TTLL7: variants seen among roughly 807,000 people sequenced by gnomAD.
TTLL7 encodes tubulin tyrosine ligase like 7, also known as tubulin polyglutamylase TTLL7.
TTLL7 carries 53 observed loss-of-function variants against 120.2 expected under a neutral mutation model. The ratio of observed to expected loss-of-function variants is 0.44; its 90% confidence interval spans 0.35 to 0.55. The LOEUF (loss-of-function observed/expected upper bound fraction) is 0.55, where lower values mean the gene tolerates loss of function less well. Ranked by LOEUF, TTLL7 falls within the 20% of genes least tolerant of loss-of-function variation. The pLI is 0.00. For missense variants in TTLL7, 803 were observed against 1,054.7 expected (o/e 0.76, Z 3.31); for synonymous variants, 353 against 351.7 (o/e 1.00, Z -0.04).
At chr1:83,962,861 G>A (rs537677269) in intron 1 of TTLL7, among the ~76,000 whole-genome samples, 1 of 152,212 alleles carries the variant, frequency 6.6e-6, no homozygotes, top group South Asian at 2.1e-4. Context: ...GGACCACCTA[G>A]CTCCAGAGAA....
At chr1:83,906,646 G>T in intron 16 of TTLL7, 183 bp from the exon 17 acceptor site, 2 of 735,972 alleles carry the variant, frequency 2.7e-6, no homozygotes, top group Non-Finnish European at 4.4e-6. Flanking sequence ...AATCCCAAGA[G>T]TGTCTTTCAC....
chr1:83,965,739 G>A (rs1191687017), intron 1 of TTLL7, among the ~76,000 whole-genome samples: 1 of 152,032 alleles, frequency 6.6e-6, no homozygotes, highest in Admixed American at 6.6e-5. Context: ...ATTGTGCTCT[G>A]CATTTATAAG....
chr1:83,958,886 T>C (rs1393408217), intron 1 of TTLL7, among the ~76,000 whole-genome samples: 1 of 152,202 alleles, frequency 6.6e-6, no homozygotes, highest in Non-Finnish European at 1.5e-5. Context: ...AGAGTCTGCA[T>C]TTCTGACAAG....
chr1:83,901,356 G>A (rs1656709119), intron 18 of TTLL7, among the ~76,000 whole-genome samples: 1 of 151,914 alleles, frequency 6.6e-6, no homozygotes, highest in South Asian at 2.1e-4. Context: ...GAGAATTAAG[G>A]CTCCAACTTA....
At chr1:83,976,157 C>G (rs1462911361) in intron 1 of TTLL7, among the ~76,000 whole-genome samples, 1 of 151,490 alleles carries the variant, frequency 6.6e-6, no homozygotes, top group Admixed American at 6.6e-5. Flanking sequence ...GATATTCGAA[C>G]TAGAGATTAA....
At chr1:83,881,744 A>C (rs1458406155) in intron 20 of TTLL7, among the ~76,000 whole-genome samples, 37 of 151,402 alleles carry the variant, frequency 2.4e-4, no homozygotes, top group East Asian at 1.8e-3. Flanking sequence ...CTGGGTATAT[A>C]CCCAAAGGAC....
chr1:83,923,921 T>A (rs1399787819), intron 10 of TTLL7, among the ~76,000 whole-genome samples: 2 of 152,186 alleles, frequency 1.3e-5, no homozygotes, highest in African/African-American at 4.8e-5. Flanking sequence ...ATCCAAGGGA[T>A]TTCTCTGATC....
At chr1:83,982,617 G>T (rs572119549) in intron 1 of TTLL7, among the ~76,000 whole-genome samples, 3 of 152,164 alleles carry the variant, frequency 2.0e-5, no homozygotes, top group Non-Finnish European at 4.4e-5. Flanking sequence ...GATCGCTACA[G>T]GGAGAACTAT....
intron 10 of TTLL7, among the ~76,000 whole-genome samples, chr1:83,923,361 A>G (rs1049709702): frequency 3.3e-5 from 5 of 151,974 alleles, no homozygotes; most frequent in Non-Finnish European, 2.9e-5. Context: ...AACAATCCAC[A>G]AGAGAAAAAA....
chr1:83,900,330 C>T (rs538061213), intron 18 of TTLL7, among the ~76,000 whole-genome samples: 6 of 152,064 alleles, frequency 3.9e-5, no homozygotes, highest in African/African-American at 2.4e-5. Context: ...GACCCATCCT[C>T]TTGGCTTTTT....
At chr1:83,918,136 A>G (rs1658345649) in intron 13 of TTLL7, among the ~76,000 whole-genome samples, 1 of 152,186 alleles carries the variant, frequency 6.6e-6, no homozygotes, top group South Asian at 2.1e-4. Flanking sequence ...ACTTAGAAAC[A>G]TTCTAATGTG....
intron 2 of TTLL7, 76 bp downstream of exon 2, chr1:83,952,111 A>C: frequency 6.5e-7 from 1 of 1,533,356 alleles, no homozygotes; most frequent in Non-Finnish European, 9.0e-7. Flanking sequence ...ATTAATTTTT[A>C]ATACTTTAAA....
intron 2 of TTLL7, 27 bp from the exon 3 acceptor site, chr1:83,952,003 T>C: frequency 6.3e-7 from 1 of 1,594,616 alleles, no homozygotes; most frequent in East Asian, 2.2e-5. Flanking sequence ...AATAATCAGA[T>C]AACACTGAAA....
chr1:83,963,337 C>A (rs1227090630), intron 1 of TTLL7, among the ~76,000 whole-genome samples: 1 of 152,112 alleles, frequency 6.6e-6, no homozygotes, highest in Non-Finnish European at 1.5e-5. Flanking sequence ...TGTGTTTGAA[C>A]CTGAGAGGAT....
intron 1 of TTLL7, among the ~76,000 whole-genome samples, chr1:83,977,287 G>T (rs1333307047): frequency 6.6e-6 from 1 of 152,008 alleles, no homozygotes; most frequent in African/African-American, 2.4e-5. Flanking sequence ...GGATAGAAAT[G>T]AGAATTAAAC....
intron 1 of TTLL7, among the ~76,000 whole-genome samples, chr1:83,970,033 G>C (rs1650833005): frequency 6.6e-6 from 1 of 151,812 alleles, no homozygotes; most frequent in African/African-American, 2.4e-5. Context: ...TGAAAATTCA[G>C]GATGTTTTAA....
chr1:83,939,384 T>C (rs1053794701), intron 7 of TTLL7, among the ~76,000 whole-genome samples: 6 of 152,170 alleles, frequency 3.9e-5, no homozygotes, highest in Admixed American at 2.6e-4. Context: ...TTAATAACAC[T>C]AATAAAAACA....
intron 1 of TTLL7, chr1:83,980,694 G>A (rs953282322): frequency 6.6e-6 from 1 of 152,052 alleles, no homozygotes; most frequent in African/African-American, 2.4e-5. Context: ...AGAAAGGAAA[G>A]AATAATAACA....
At chr1:83,974,757 A>T (rs912976550) in intron 1 of TTLL7, among the ~76,000 whole-genome samples, 3 of 152,062 alleles carry the variant, frequency 2.0e-5, no homozygotes, top group African/African-American at 7.2e-5. Context: ...ATCTTTGTCA[A>T]ATTGACCTAT....
Sources: gnomAD v4.1 joint callset for allele counts (sites outside exome capture counted in the v4.1 genomes callset) on GRCh38, gnomAD v4.1.1 for gene constraint, MANE v1.5 for transcripts, NCBI Gene and HGNC (gene_info 2026-07-23, HGNC 2026-07-21) for gene names.